DSCAM: variants seen among roughly 807,000 people sequenced by gnomAD.
The protein encoded by DSCAM is cell adhesion molecule DSCAM.
DSCAM carries 47 observed loss-of-function variants against 217.7 expected under a neutral mutation model. That is an observed-to-expected ratio of 0.22 (90% CI 0.17 to 0.28). The LOEUF is 0.28. DSCAM is among the 10% of genes least tolerant of loss of function. The probability of loss-of-function intolerance (pLI) is 1.00; values close to 1 mark genes in which losing one functional copy is unlikely to be tolerated. For missense variants in DSCAM, 2,080 were observed against 2,618.3 expected (o/e 0.79, Z 4.49); for synonymous variants, 1,056 against 1,015.3 (o/e 1.04, Z -0.76).
At chr21:40,842,195 G>T (rs1311559395) in intron 1 of DSCAM, among the ~76,000 whole-genome samples, 1 of 152,172 alleles carries the variant, frequency 6.6e-6, no homozygotes, top group Non-Finnish European at 1.5e-5. Flanking sequence ...CTATCTCCCA[G>T]GCTGAGGGTG....
chr21:40,662,609 G>A (rs964731329), intron 3 of DSCAM, among the ~76,000 whole-genome samples: 18 of 152,194 alleles, frequency 1.2e-4, no homozygotes, highest in South Asian at 8.3e-4. Flanking sequence ...TTAGGGGCTG[G>A]ATGTTTGTGT....
intron 2 of DSCAM, among the ~76,000 whole-genome samples, chr21:40,705,387 A>G (rs1195248377): frequency 6.6e-6 from 1 of 151,172 alleles, no homozygotes; most frequent in Non-Finnish European, 1.5e-5. Flanking sequence ...GTTGCTTCAG[A>G]TATTTTGTCT....
chr21:40,660,383 C>G (rs981618528), intron 3 of DSCAM, among the ~76,000 whole-genome samples: 4 of 152,144 alleles, frequency 2.6e-5, no homozygotes, highest in African/African-American at 9.7e-5. Flanking sequence ...ATTCTAACAA[C>G]TGGCCAGAAG....
chr21:40,636,930 G>A (rs970824575), intron 3 of DSCAM, among the ~76,000 whole-genome samples: 2 of 149,820 alleles, frequency 1.3e-5, no homozygotes, highest in African/African-American at 4.9e-5. Context: ...GCGGAATCAA[G>A]CCCAGCTTTG....
At chr21:40,789,747 G>C (rs1361438279) in intron 1 of DSCAM, among the ~76,000 whole-genome samples, 2 of 152,072 alleles carry the variant, frequency 1.3e-5, no homozygotes, top group African/African-American at 4.8e-5. Flanking sequence ...AGTAGAGACG[G>C]GGTTTCACCG....
At chr21:40,627,412 T>C (rs997466217) in intron 3 of DSCAM, among the ~76,000 whole-genome samples, 17 of 152,110 alleles carry the variant, frequency 1.1e-4, no homozygotes, top group Admixed American at 9.2e-4. Flanking sequence ...TATGAGTAAA[T>C]ATGTTGTGGA....
intron 3 of DSCAM, among the ~76,000 whole-genome samples, chr21:40,554,193 T>C (rs961645559): frequency 1.3e-5 from 2 of 150,586 alleles, no homozygotes; most frequent in Non-Finnish European, 2.9e-5. Flanking sequence ...GTTTTGATTG[T>C]TAGTTTTTTT....
chr21:40,452,237 T>TACACACACACACACAC (rs71186937), intron 3 of DSCAM, among the ~76,000 whole-genome samples: 11,421 of 144,234 alleles, frequency 0.079, 537 homozygotes, highest in Admixed American at 0.14. Context: ...TACACTATAT[T>TACACACACACACACAC]ACACACACAC....
chr21:40,072,369 CAG>C (rs200049667), intron 27 of DSCAM, among the ~76,000 whole-genome samples: 6,751 of 142,108 alleles, frequency 0.048, 227 homozygotes, highest in East Asian at 0.15. Flanking sequence ...TTTTTTGAGA[CAG>C]AGTCTCGCTC....
At chr21:40,320,650 AAGG>A (rs2074249226) in intron 8 of DSCAM, among the ~76,000 whole-genome samples, 1 of 152,230 alleles carries the variant, frequency 6.6e-6, no homozygotes, top group Admixed American at 6.5e-5. Context: ...GGCAGAAAGC[AAGG>A]AGAAGCAAGT....
chr21:40,551,623 G>T (rs924038261), intron 3 of DSCAM, among the ~76,000 whole-genome samples: 6 of 152,130 alleles, frequency 3.9e-5, no homozygotes, highest in African/African-American at 1.4e-4. Context: ...CCCCACAAAA[G>T]ACAGCTTTGC....
At chr21:40,210,238 C>T (rs2146877454) in intron 11 of DSCAM, among the ~76,000 whole-genome samples, 1 of 152,360 alleles carries the variant, frequency 6.6e-6, no homozygotes, top group South Asian at 2.1e-4. Flanking sequence ...CGTCCTACCT[C>T]CTCTATGGAG....
At chr21:40,412,866 G>A (rs1445690113) in intron 3 of DSCAM, among the ~76,000 whole-genome samples, 1 of 152,184 alleles carries the variant, frequency 6.6e-6, no homozygotes, top group Non-Finnish European at 1.5e-5. Flanking sequence ...CAGACCTGAA[G>A]GAAAAAGTGG....
chr21:40,071,563 C>T (rs903303227), intron 27 of DSCAM, among the ~76,000 whole-genome samples: 1 of 152,176 alleles, frequency 6.6e-6, no homozygotes, highest in Non-Finnish European at 1.5e-5. Flanking sequence ...TTGATCCCAC[C>T]TAATCACTCT....
At chr21:40,507,316 G>T (rs532752306) in intron 3 of DSCAM, among the ~76,000 whole-genome samples, 3 of 151,764 alleles carry the variant, frequency 2.0e-5, no homozygotes, top group African/African-American at 7.3e-5. Flanking sequence ...AAAAACAGCC[G>T]CAACTATTCA....
At chr21:40,136,542 G>A (rs1005980864) in intron 18 of DSCAM, among the ~76,000 whole-genome samples, 1 of 152,178 alleles carries the variant, frequency 6.6e-6, no homozygotes, top group East Asian at 1.9e-4. Context: ...AACTCATTAA[G>A]ATCTTTTCAG....
intron 3 of DSCAM, among the ~76,000 whole-genome samples, chr21:40,631,581 A>G (rs1026577475): frequency 4.6e-5 from 7 of 152,168 alleles, no homozygotes; most frequent in Admixed American, 3.9e-4. Flanking sequence ...CTCAGGCCCC[A>G]CAGTCATGGA....
In DSCAM at chr21:40,763,609, G is replaced by A. The variant is rs541734232; in HGVS notation, c.44-54838C>T. 1.6e-4 allele frequency among the ~76,000 whole-genome samples: 25 copies of A among 152,126 alleles called. No individual in the cohort carries two copies. In the East Asian group the frequency reaches 4.6e-3, roughly 28 times the overall value. On this transcript the variant is annotated intron_variant, in intron 1 of 32. Transcript: ENST00000400454. ...GAGAAAACTACTTTAAATTTCATAC[G>A]GAATCAAAAAAGAGCCTGTGTAGCC... is the stretch of plus-strand genomic sequence containing the variant.
At chr21:40,309,088 T>C (rs1009992307) in intron 9 of DSCAM, among the ~76,000 whole-genome samples, 10 of 152,188 alleles carry the variant, frequency 6.6e-5, no homozygotes, top group Non-Finnish European at 1.0e-4. Flanking sequence ...GGCTGTAAAG[T>C]ATCCAGTCTT....
Sources: gnomAD v4.1 joint callset for allele counts (sites outside exome capture counted in the v4.1 genomes callset) on GRCh38, gnomAD v4.1.1 for gene constraint, MANE v1.5 for transcripts, NCBI Gene and HGNC (gene_info 2026-07-23, HGNC 2026-07-21) for gene names.